PDE1A: variants seen among roughly 807,000 people sequenced by gnomAD.
PDE1A encodes the protein dual specificity calcium/calmodulin-dependent 3',5'-cyclic nucleotide phosphodiesterase 1A.
In PDE1A, 35 loss-of-function variants were observed where a neutral mutation model predicts 61.7. The ratio of observed to expected loss-of-function variants is 0.57; its 90% CI spans 0.43 to 0.75. The LOEUF is 0.75. Among genes scored for constraint, PDE1A ranks in the 30% least tolerant of loss-of-function variants. The pLI is 0.00. For synonymous variants in PDE1A, 232 were observed against 213.2 expected (o/e 1.09, Z -0.77); for missense variants, 597 against 630.6 (o/e 0.95, Z 0.57).
At chr2:182,492,044 GC>G (rs533596682) in intron 2 of PDE1A, among the ~76,000 whole-genome samples, 412 of 152,084 alleles carry the variant, frequency 2.7e-3, no homozygotes, top group African/African-American at 9.4e-3. Context: ...CTTGATCATT[GC>G]TTTTAGAGGC....
At chr2:182,333,818 TAGAC>T (rs763283109) in intron 1 of PDE1A, among the ~76,000 whole-genome samples, 7 of 151,778 alleles carry the variant, frequency 4.6e-5, no homozygotes, top group South Asian at 2.1e-4. Flanking sequence ...ATTAACAAAA[TAGAC>T]AGACCACTAG....
chr2:182,197,133 T>A (rs979942201), intron 10 of PDE1A, among the ~76,000 whole-genome samples: 5 of 151,894 alleles, frequency 3.3e-5, no homozygotes, highest in Non-Finnish European at 5.9e-5. Flanking sequence ...TGGGGCTATA[T>A]GATATTTCAT....
intron 2 of PDE1A, among the ~76,000 whole-genome samples, chr2:182,459,812 G>C (rs1408638293): frequency 6.6e-6 from 1 of 152,172 alleles, no homozygotes; most frequent in Non-Finnish European, 1.5e-5. Context: ...AGCATGCACA[G>C]TATTTCAGTA....
intron 7 of PDE1A, among the ~76,000 whole-genome samples, chr2:182,217,125 C>CTAT (rs1688252564): frequency 1.1e-5 from 1 of 94,530 alleles, no homozygotes; most frequent in Admixed American, 1.2e-4. Flanking sequence ...ATATCTACAA[C>CTAT]TATCTGATCT....
the PDE1A span, among the ~76,000 whole-genome samples, chr2:182,535,106 CT>C: frequency 1.3e-5 from 2 of 151,996 alleles, no homozygotes; most frequent in Non-Finnish European, 2.9e-5. Context: ...GTATTTGTCC[CT>C]GAAGCACCTC....
chr2:182,362,041 T>A (rs1404773074), intron 1 of PDE1A, among the ~76,000 whole-genome samples: 6 of 152,080 alleles, frequency 3.9e-5, no homozygotes, highest in African/African-American at 1.4e-4. Flanking sequence ...TAGCATCGGT[T>A]TTCATTTTAT....
At chr2:182,492,643 A>C (rs990039244) in intron 2 of PDE1A, among the ~76,000 whole-genome samples, 1 of 152,242 alleles carries the variant, frequency 6.6e-6, no homozygotes, top group Non-Finnish European at 1.5e-5. Context: ...GATGAAGAGT[A>C]AAATATTCAC....
At chr2:182,648,793 A>C in the PDE1A span, among the ~76,000 whole-genome samples, 2 of 152,188 alleles carry the variant, frequency 1.3e-5, no homozygotes, top group Non-Finnish European at 2.9e-5. Context: ...TAATACCTGT[A>C]ATATGAAGAC....
At chr2:182,534,690 T>A in the PDE1A span, among the ~76,000 whole-genome samples, 2 of 151,780 alleles carry the variant, frequency 1.3e-5, no homozygotes, top group South Asian at 4.1e-4. Flanking sequence ...ATTACTTATA[T>A]TAATTTTTGG....
At chr2:182,464,958 T>G (rs1368994912) in intron 2 of PDE1A, among the ~76,000 whole-genome samples, 2 of 152,158 alleles carry the variant, frequency 1.3e-5, no homozygotes, top group Non-Finnish European at 2.9e-5. Context: ...GAATGAATAT[T>G]TAATTGAAGA....
chr2:182,210,492 A>C (rs1219917005), intron 7 of PDE1A, among the ~76,000 whole-genome samples: 1 of 152,144 alleles, frequency 6.6e-6, no homozygotes, highest in Non-Finnish European at 1.5e-5. Context: ...TCATTTTTAA[A>C]TTAGGTTGTT....
the PDE1A span, among the ~76,000 whole-genome samples, chr2:182,677,234 G>A: frequency 6.6e-6 from 1 of 152,150 alleles, no homozygotes; most frequent in African/African-American, 2.4e-5. Context: ...CAAAATCAAT[G>A]TACAAAGATC....
At chr2:182,697,768 C>G in the PDE1A span, among the ~76,000 whole-genome samples, 1 of 152,168 alleles carries the variant, frequency 6.6e-6, no homozygotes, top group Non-Finnish European at 1.5e-5. Context: ...GGAATTAGGA[C>G]GCATTTCACA....
the PDE1A span, among the ~76,000 whole-genome samples, chr2:182,592,241 G>A: frequency 6.6e-6 from 1 of 152,174 alleles, no homozygotes; most frequent in Admixed American, 6.5e-5. Context: ...AAGCATACAT[G>A]CTGTAATCCT....
At chr2:182,360,297 C>T (rs1469231132) in intron 1 of PDE1A, among the ~76,000 whole-genome samples, 1 of 152,092 alleles carries the variant, frequency 6.6e-6, no homozygotes, top group East Asian at 1.9e-4. Context: ...TTATCCCAGA[C>T]TTTTAAATTC....
upstream of PDE1A, among the ~76,000 whole-genome samples, chr2:182,527,353 T>C (rs868505177): frequency 4.1e-5 from 3 of 73,662 alleles, no homozygotes; most frequent in African/African-American, 2.3e-4. Flanking sequence ...TATATATATA[T>C]ATATATATAT....
the PDE1A span, among the ~76,000 whole-genome samples, chr2:182,673,054 T>A: frequency 3.9e-5 from 6 of 152,286 alleles, no homozygotes; most frequent in Middle Eastern, 0.017. Flanking sequence ...TTTTCCGGTG[T>A]AAAAGAATGA....
intron 2 of PDE1A, among the ~76,000 whole-genome samples, chr2:182,472,465 C>T (rs1165203219): frequency 1.3e-5 from 2 of 151,842 alleles, no homozygotes; most frequent in African/African-American, 4.8e-5. Context: ...AACACAAAGA[C>T]AAATACTAAA....
chr2:182,278,454 G>A (rs561691702), intron 1 of PDE1A, among the ~76,000 whole-genome samples: 1 of 152,102 alleles, frequency 6.6e-6, no homozygotes, highest in East Asian at 1.9e-4. Context: ...TATAGAGAAA[G>A]TTTAGCATTA....
Sources: gnomAD v4.1 joint callset for allele counts (sites outside exome capture counted in the v4.1 genomes callset) on GRCh38, gnomAD v4.1.1 for gene constraint, MANE v1.5 for transcripts, NCBI Gene and HGNC (gene_info 2026-07-23, HGNC 2026-07-21) for gene names.